The following CDH4 variants were observed in gnomAD, a reference collection of about 807,000 sequenced individuals.
The protein encoded by CDH4 is cadherin-4.
In CDH4, 33 loss-of-function variants were observed where a neutral mutation model predicts 86.0. The observed-to-expected ratio is 0.38, with a 90% CI of 0.29 to 0.51. The LOEUF (loss-of-function observed/expected upper bound fraction) is 0.51, where lower values mean the gene tolerates loss of function less well. Ranked by LOEUF, CDH4 falls within the 20% of genes least tolerant of loss-of-function variation. CDH4 has a pLI of 0.86. For synonymous variants in CDH4, 555 were observed against 549.4 expected (o/e 1.01, Z -0.14); for missense variants, 1,114 against 1,307.4 (o/e 0.85, Z 2.28).
At chr20:61,430,935 G>T (rs1433708243) in intron 2 of CDH4, among the ~76,000 whole-genome samples, 1 of 152,194 alleles carries the variant, frequency 6.6e-6, no homozygotes, top group African/African-American at 2.4e-5. Context: ...GTGGAACAGG[G>T]TGTCATCGGC....
rs1330295451 is a variant in CDH4, at chr20:61,605,030, C to A, written c.170-138533C>A. ...TTCAAGCTGGAAGTTTTGGTGCAGA[C>A]AGTGTGGAAGGCTGGCCTCTCGTGG... On this transcript the variant is annotated intron_variant, in intron 2 of 15. Coordinates refer to ENST00000614565, the MANE Select transcript of CDH4 (RefSeq NM_001794.5). Among the ~76,000 whole-genome samples, 5 of 152,170 alleles carry A rather than the reference C, an allele frequency of 3.3e-5. 1 individual carries two copies. Among genetic ancestry groups the A allele is most frequent in the Admixed American group, 2.6e-4 (4 of 15,286 alleles).
intron 2 of CDH4, among the ~76,000 whole-genome samples, chr20:61,613,257 G>A (rs543173886): frequency 3.9e-5 from 6 of 152,234 alleles, no homozygotes; most frequent in South Asian, 4.1e-4. Context: ...CTTTAAAGTC[G>A]TTTAAAGACC....
At chr20:61,802,544 C>G (rs1358119194) in intron 4 of CDH4, among the ~76,000 whole-genome samples, 2 of 151,944 alleles carry the variant, frequency 1.3e-5, no homozygotes, top group Non-Finnish European at 2.9e-5. Context: ...GGAAAACTTA[C>G]TTGGGGAAAA....
chr20:61,530,646 A>G (rs2085944964), intron 2 of CDH4, among the ~76,000 whole-genome samples: 1 of 152,116 alleles, frequency 6.6e-6, no homozygotes, highest in African/African-American at 2.4e-5. Flanking sequence ...AGGCAATCAG[A>G]ATGCTTTGGC....
intron 12 of CDH4, 127 bp from the exon 13 acceptor site, chr20:61,929,482 T>C: frequency 1.5e-6 from 1 of 679,716 alleles, no homozygotes; most frequent in Non-Finnish European, 2.6e-6. Flanking sequence ...TGTATGTATG[T>C]ATGTGTGGTA....
At chr20:61,579,244 CA>C (rs2086407012) in intron 2 of CDH4, among the ~76,000 whole-genome samples, 1 of 151,794 alleles carries the variant, frequency 6.6e-6, no homozygotes, top group Non-Finnish European at 1.5e-5. Flanking sequence ...AGCAGCCAGC[CA>C]GGCAGTCGGG....
intron 4 of CDH4, among the ~76,000 whole-genome samples, chr20:61,840,250 G>A (rs890653632): frequency 1.3e-5 from 2 of 152,192 alleles, no homozygotes; most frequent in African/African-American, 4.8e-5. Flanking sequence ...TGGTGCAGGG[G>A]CCTTCCCGGT....
intron 2 of CDH4, among the ~76,000 whole-genome samples, chr20:61,592,706 C>G (rs79161329): frequency 0.022 from 3,286 of 152,242 alleles, 121 homozygotes; most frequent in African/African-American, 0.068. Flanking sequence ...TCGGGATACC[C>G]TATGTGAATG....
At chr20:61,626,798 C>A (rs187637344) in intron 2 of CDH4, among the ~76,000 whole-genome samples, 1 of 152,202 alleles carries the variant, frequency 6.6e-6, no homozygotes, top group African/African-American at 2.4e-5. Flanking sequence ...CATTGTAACT[C>A]AGAGCCTCCT....
In CDH4 at chr20:61,546,318, AGGT is replaced by A. The variant is rs200028463; in HGVS notation, c.170-197243_170-197241del. Among the ~76,000 whole-genome samples, 290 of 147,164 alleles carry A rather than the reference AGGT, an allele frequency of 2.0e-3. 1 individual carries two copies. The highest frequency in any genetic ancestry group is 6.8e-3 in the African/African-American group (270 of 39,964). ...TGTGCATGAGTATGCATGTGTGCAG[AGGT>A]GTGTGTGTGAGGTGTGTATATGCGT... On this transcript the variant is annotated intron_variant, in intron 2 of 15. Coordinates refer to ENST00000614565, the MANE Select transcript of CDH4 (RefSeq NM_001794.5).
chr20:61,330,870 A>G (rs2084568986), intron 2 of CDH4, among the ~76,000 whole-genome samples: 1 of 152,116 alleles, frequency 6.6e-6, no homozygotes, highest in African/African-American at 2.4e-5. Context: ...AATATTCCCA[A>G]ATGATAAAGA....
chr20:61,275,023 G>A (rs1311855286), intron 2 of CDH4, among the ~76,000 whole-genome samples: 3 of 146,920 alleles, frequency 2.0e-5, no homozygotes, highest in Non-Finnish European at 4.5e-5. Context: ...TGCGCAGTTA[G>A]GGAGAGCACC....
At chr20:61,732,088 G>C (rs1296408276) in intron 2 of CDH4, among the ~76,000 whole-genome samples, 1 of 152,200 alleles carries the variant, frequency 6.6e-6, no homozygotes, top group Non-Finnish European at 1.5e-5. Context: ...TGCAGTGACG[G>C]TGACTCACTG....
rs139749085 is a variant in CDH4, at chr20:61,275,116, C to T, written c.169+20179C>T. 2.9e-3 allele frequency among the ~76,000 whole-genome samples: 281 copies of T among 95,854 alleles called. 3 individuals are homozygous for T. The highest frequency in any genetic ancestry group is 0.014 in the Middle Eastern group (1 of 70). 62.9% of individuals were successfully genotyped at this position (95,854 alleles called of 152,430 possible). ...GGGAGTACTGGGGGAGTACTGTGTG[C>T]AGTTTTGGGGAGTACTGTGTGCAGT... On this transcript the variant is annotated intron_variant, in intron 2 of 15. Transcript: ENST00000614565.
At chr20:61,374,047 G>A (rs565490432) in intron 2 of CDH4, among the ~76,000 whole-genome samples, 11 of 152,266 alleles carry the variant, frequency 7.2e-5, no homozygotes, top group African/African-American at 2.6e-4. Context: ...AGAGCCCGCG[G>A]GGCTCCTGCG....
At chr20:61,372,809 C>G (rs904048003) in intron 2 of CDH4, among the ~76,000 whole-genome samples, 22 of 152,348 alleles carry the variant, frequency 1.4e-4, no homozygotes, top group African/African-American at 4.8e-4. Flanking sequence ...AGTAGCAGGA[C>G]ACACTTACCA....
At chr20:61,375,937 G>T (rs2084867749) in intron 2 of CDH4, among the ~76,000 whole-genome samples, 1 of 12,008 alleles carries the variant, frequency 8.3e-5, no homozygotes, top group Non-Finnish European at 1.8e-4. Flanking sequence ...GGTGATGATG[G>T]TGGTGCTGGT....
intron 3 of CDH4, among the ~76,000 whole-genome samples, chr20:61,766,106 T>C (rs1042682121): frequency 1.3e-5 from 2 of 151,914 alleles, no homozygotes; most frequent in African/African-American, 4.8e-5. Context: ...CCTCCCTCCC[T>C]GGCAGGCCCC....
Position 61,689,795 on chromosome 20 carries a change from A to T in CDH4, c.170-53768A>T, listed in dbSNP as rs184142277. On this transcript the variant is annotated intron_variant, in intron 2 of 15. Coordinates refer to ENST00000614565, the MANE Select transcript of CDH4 (RefSeq NM_001794.5). ...GACATTGTTTGGTGAGGTGATGTGG[A>T]ATAGGGCTGGGACAGTGGTTGGTGA... 8.3e-3 allele frequency among the ~76,000 whole-genome samples: 1,126 copies of T among 135,254 alleles called. 8 individuals carry two copies. The highest frequency in any genetic ancestry group is 0.025 in the Middle Eastern group (5 of 198). 88.7% of individuals were successfully genotyped at this position (135,254 alleles called of 152,430 possible). A position where few individuals can be genotyped will look rare whatever the true frequency, so the allele number is the denominator to read the frequency against.
Sources: allele counts gnomAD v4.1 joint callset (sites outside exome capture counted in the v4.1 genomes callset), GRCh38; gene constraint gnomAD v4.1.1; transcripts MANE v1.5; gene names NCBI Gene and HGNC (gene_info 2026-07-23, HGNC 2026-07-21).